Variants in CNTN5 observed in about 807,000 individuals in gnomAD.
The protein encoded by CNTN5 is contactin 5.
In CNTN5, 77 loss-of-function variants were observed where a neutral mutation model predicts 129.1. The ratio of observed to expected loss-of-function variants is 0.60; its 90% CI spans 0.50 to 0.72. CNTN5 has a LOEUF of 0.72. Among genes scored for constraint, CNTN5 ranks in the 30% least tolerant of loss-of-function variants. CNTN5 has a pLI of 0.00. For missense variants in CNTN5, 1,478 were observed against 1,328.8 expected (o/e 1.11, Z -1.75); for synonymous variants, 509 against 465.6 (o/e 1.09, Z -1.20).
intron 3 of CNTN5, among the ~76,000 whole-genome samples, chr11:99,694,070 A>G (rs1954153704): frequency 6.6e-6 from 1 of 152,110 alleles, no homozygotes; most frequent in Non-Finnish European, 1.5e-5. Context: ...GCCGAGAACC[A>G]TAAGTACTTT....
At chr11:100,008,556 G>C (rs1940330299) in intron 9 of CNTN5, among the ~76,000 whole-genome samples, 1 of 152,016 alleles carries the variant, frequency 6.6e-6, no homozygotes, top group African/African-American at 2.4e-5. Flanking sequence ...GATTTCCATA[G>C]TCTCTGTTCT....
intron 1 of CNTN5, among the ~76,000 whole-genome samples, chr11:99,117,545 T>C (rs1858101055): frequency 6.6e-6 from 1 of 152,206 alleles, no homozygotes; most frequent in South Asian, 2.1e-4. Context: ...ATTTGTTCAT[T>C]ATCATTGTTA....
chr11:99,785,226 A>G (rs1165934173), intron 3 of CNTN5, among the ~76,000 whole-genome samples: 4 of 152,048 alleles, frequency 2.6e-5, no homozygotes, highest in African/African-American at 7.2e-5. Flanking sequence ...GTCTGTTTGT[A>G]TCCTTCGCCC....
chr11:99,334,683 G>A (rs78875544), intron 2 of CNTN5, among the ~76,000 whole-genome samples: 12,747 of 152,004 alleles, frequency 0.084, 615 homozygotes, highest in Middle Eastern at 0.13. Flanking sequence ...TTGAATTAAG[G>A]TGTGTTGTGA....
At chr11:99,311,954 C>G (rs1865132074) in intron 1 of CNTN5, among the ~76,000 whole-genome samples, 1 of 152,082 alleles carries the variant, frequency 6.6e-6, no homozygotes, top group Non-Finnish European at 1.5e-5. Context: ...ACTTTTATAC[C>G]TCCTAAGCTA....
chr11:100,271,494 G>A (rs575039724), intron 18 of CNTN5, among the ~76,000 whole-genome samples: 48 of 152,084 alleles, frequency 3.2e-4, no homozygotes, highest in African/African-American at 1.1e-3. Context: ...CTCATCTTCA[G>A]GTTACCATGA....
At chr11:99,024,804 AG>A (rs1379414500) in intron 1 of CNTN5, among the ~76,000 whole-genome samples, 2 of 150,678 alleles carry the variant, frequency 1.3e-5, no homozygotes, top group South Asian at 4.2e-4. Context: ...AATAAAAAAA[AG>A]AATCTCATTT....
intron 2 of CNTN5, among the ~76,000 whole-genome samples, chr11:99,438,534 C>T (rs1042618491): frequency 6.6e-6 from 1 of 152,024 alleles, no homozygotes; most frequent in Non-Finnish European, 1.5e-5. Context: ...ATCTCTTTAT[C>T]TCTTCATATC....
intron 2 of CNTN5, among the ~76,000 whole-genome samples, chr11:99,515,331 A>G (rs1412865798): frequency 6.6e-6 from 1 of 152,066 alleles, no homozygotes; most frequent in Non-Finnish European, 1.5e-5. Context: ...CAGCCTGAAT[A>G]GATTTAGCTG....
At chr11:99,452,372 GT>G (rs71463577) in intron 2 of CNTN5, among the ~76,000 whole-genome samples, 20,335 of 104,402 alleles carry the variant, frequency 0.19, 1,469 homozygotes, top group Admixed American at 0.27. Context: ...AAACACAGGT[GT>G]TTTTTTTTTT....
chr11:99,052,039 AT>A (rs1864446257), intron 1 of CNTN5, among the ~76,000 whole-genome samples: 1 of 151,818 alleles, frequency 6.6e-6, no homozygotes, highest in African/African-American at 2.4e-5. Context: ...AAGGCACAGA[AT>A]TTGGCAAGAG....
chr11:99,975,909 T>C (rs1371188817), intron 8 of CNTN5, among the ~76,000 whole-genome samples: 1 of 152,176 alleles, frequency 6.6e-6, no homozygotes, highest in East Asian at 1.9e-4. Flanking sequence ...TATTCCAGCA[T>C]TACTCAAAAG....
chr11:99,829,950 G>C (rs1422361981), intron 4 of CNTN5, among the ~76,000 whole-genome samples: 1 of 152,052 alleles, frequency 6.6e-6, no homozygotes, highest in Non-Finnish European at 1.5e-5. Context: ...ACTGATCCTT[G>C]ATTTCATCTG....
In CNTN5 at chr11:99,927,120, G is replaced by A. The variant is rs1950079996; in HGVS notation, c.673+10971G>A. Among the ~76,000 whole-genome samples the A allele has an allele frequency of 2.0e-5, 3 of 152,284 alleles. No homozygotes were observed. The South Asian group carries it at 6.2e-4, about 32-fold the overall frequency. On this transcript the variant is annotated intron_variant, in intron 7 of 24. Coordinates refer to ENST00000524871, the MANE Select transcript of CNTN5 (RefSeq NM_014361.4). ...GAGTTATATTATTTGGACACAGAGAGCTCTATTTTTAAGTTTTGCCTAGAA... is the reference window on the plus strand; with the variant it reads ...GAGTTATATTATTTGGACACAGAGAACTCTATTTTTAAGTTTTGCCTAGAA...
intron 1 of CNTN5, among the ~76,000 whole-genome samples, chr11:99,123,863 G>A (rs540174837): frequency 3.9e-5 from 6 of 152,010 alleles, no homozygotes; most frequent in Non-Finnish European, 8.8e-5. Context: ...TTGTAGGTGT[G>A]TAGCATTATT....
chr11:99,854,473 C>T (rs562139942), intron 6 of CNTN5, among the ~76,000 whole-genome samples: 25 of 152,190 alleles, frequency 1.6e-4, no homozygotes. Context: ...CTTGAATTCT[C>T]CCTCTGTGGG....
chr11:99,222,649 G>C (rs1367404067), intron 1 of CNTN5, among the ~76,000 whole-genome samples: 1 of 152,154 alleles, frequency 6.6e-6, no homozygotes, highest in Admixed American at 6.5e-5. Context: ...AAACATGTCA[G>C]TACTCAGACA....
intron 3 of CNTN5, among the ~76,000 whole-genome samples, chr11:99,678,939 T>C (rs917825059): frequency 1.3e-5 from 2 of 150,020 alleles, no homozygotes; most frequent in African/African-American, 4.9e-5. Flanking sequence ...ACATTTTTTA[T>C]TGTATCTGCT....
chr11:99,992,727 G>T (rs1939192956), intron 8 of CNTN5, among the ~76,000 whole-genome samples: 1 of 152,102 alleles, frequency 6.6e-6, no homozygotes, highest in African/African-American at 2.4e-5. Flanking sequence ...GCCACTTAGG[G>T]AAAAGTATCC....
Sources: gnomAD v4.1 joint callset for allele counts (sites outside exome capture counted in the v4.1 genomes callset) on GRCh38, gnomAD v4.1.1 for gene constraint, MANE v1.5 for transcripts, NCBI Gene and HGNC (gene_info 2026-07-23, HGNC 2026-07-21) for gene names.